The following ATRX variants were observed in gnomAD, a reference collection of about 807,000 sequenced individuals.
ATRX encodes the protein ATRX chromatin remodeler.
In ATRX, 12 loss-of-function variants were observed where a neutral mutation model predicts 172.6. The ratio of observed to expected loss-of-function variants is 0.07; its 90% CI spans 0.04 to 0.11. The LOEUF (loss-of-function observed/expected upper bound fraction) is 0.11. Ranked by LOEUF, ATRX falls within the 10% of genes least tolerant of loss-of-function variation. The pLI is 1.00. For synonymous variants in ATRX, 674 were observed against 594.7 expected (o/e 1.13, Z -1.94); for missense variants, 1,368 against 1,767.4 (o/e 0.77, Z 4.05).
chrX:77,703,537 G>A (rs1346761630), intron 2 of ATRX, among the ~76,000 whole-genome samples: 8 of 112,461 alleles, frequency 7.1e-5, no homozygotes, highest in Admixed American at 6.6e-4. Flanking sequence ...ACCAGGAACC[G>A]CAGGCAGGGC....
At chrX:77,715,619 C>G (rs2073337339) in intron 2 of ATRX, among the ~76,000 whole-genome samples, 1 of 111,450 alleles carries the variant, frequency 9.0e-6, no homozygotes, top group Admixed American at 9.5e-5. Flanking sequence ...GTATTTTTTT[C>G]CTCTGGCTAC....
chrX:77,681,955 A>T lies in ATRX; in HGVS notation c.3301T>A (p.Ser1101Thr), dbSNP rs1557137691. 8.3e-7 allele frequency: 1 copy of T among 1,210,175 alleles called. No homozygotes were observed. The highest frequency in any genetic ancestry group is 1.1e-6 in the Non-Finnish European group (1 of 894,646). Reference protein sequence around the residue: ...KKRCKLLGKSSRKRQDCSSSD... With the variant: ...KKRCKLLGKSTRKRQDCSSSD... ...GATGAACAATCTTGTCTCTTCCTTG[A>T]ACTCTTTCCAAGCAACTTGCACCTT... Residue 1101 changes from serine to threonine, a missense_variant, in exon 9 of 35, where the codon TCA becomes ACA. Transcript: ENST00000373344.
chrX:77,589,004 T>C (rs1231836212), intron 27 of ATRX, among the ~76,000 whole-genome samples: 1 of 112,439 alleles, frequency 8.9e-6, no homozygotes. Context: ...GAAACTGAAA[T>C]GCTTGTACAT....
chrX:77,509,645 G>A (rs2062799774), intron 34 of ATRX, among the ~76,000 whole-genome samples: 1 of 110,918 alleles, frequency 9.0e-6, no homozygotes, highest in Non-Finnish European at 1.9e-5. Flanking sequence ...CAGTGATTAT[G>A]GGACTCTGCA....
chrX:77,508,464 T>C lies in ATRX; in HGVS notation c.7366A>G (p.Met2456Val). Residue 2456 changes from methionine (M) to valine (V), a missense_variant, in exon 35 of 35, where the codon ATG becomes GTG. Transcript: ENST00000373344. ...MNPSNYQQIDMRGMYQPVAGG... is the reference protein window; with the variant it reads ...MNPSNYQQIDVRGMYQPVAGG... ...GCCACTGGCTGATACATTCCTCTCA[T>C]ATCAATCTGCTGGTAGTTAGAAGGA... 1 of 1,211,713 alleles carries C rather than the reference T, an allele frequency of 8.3e-7. No homozygotes were observed. Among genetic ancestry groups the C allele is most frequent in the South Asian group, 1.8e-5 (1 of 56,997 alleles).
chrX:77,700,559 T>G (rs781845032), intron 2 of ATRX, among the ~76,000 whole-genome samples: 1 of 112,720 alleles, frequency 8.9e-6, no homozygotes, highest in South Asian at 3.6e-4. Flanking sequence ...CTTTATTTTA[T>G]GTAAACATCT....
At chrX:77,573,261 C>T (rs1557068585) in intron 28 of ATRX, among the ~76,000 whole-genome samples, 1 of 111,388 alleles carries the variant, frequency 9.0e-6, no homozygotes, top group Non-Finnish European at 1.9e-5. Flanking sequence ...CTACAGTATT[C>T]AGTACAGTAA....
At position 77,683,157 on chromosome X, in the gene ATRX, T is replaced by C. The variant is rs2148606995; in HGVS notation, c.2099A>G (p.Lys700Arg). ...TATAGCACTGTCAGAAGAATTACGC[T>C]TATCCTTTTTTCTCACTGGAACTGA... Reference protein sequence around the residue: ...KLSVPVRKKDKRNSSDSAIDN... With the variant: ...KLSVPVRKKDRRNSSDSAIDN... The change falls in exon 9 of 35, where the codon AAG (lysine) becomes AGG (arginine). Residue 700 changes from lysine (K) to arginine (R), a missense_variant. Lys to Arg is a conservative substitution (Grantham distance 26, BLOSUM62 2). This residue lies in a region of ATRX where 843 missense variants were observed against 643.1 expected (regional missense o/e 1.31). Transcript: ENST00000373344. 8.3e-7 allele frequency: 1 copy of C among 1,210,264 alleles called. No homozygotes were observed. The highest frequency in any genetic ancestry group is 1.1e-6 in the Non-Finnish European group (1 of 894,380).
Position 77,684,919 on chromosome X carries a change from A to T in ATRX, c.662+20T>A. 1 of 1,167,313 alleles carries T rather than the reference A, an allele frequency of 8.6e-7. No individual in the cohort carries two copies. The highest frequency in any genetic ancestry group is 1.2e-6 in the Non-Finnish European group (1 of 854,962). On this transcript the variant is annotated intron_variant, in intron 8 of 34. Coordinates refer to ENST00000373344, the MANE Select transcript of ATRX (RefSeq NM_000489.6). ...CCAAAAGTAGGAAACACTGAATGTT[A>T]GCTCATCTATATTACCTACCTACAT...
rs2147760687 is a variant in ATRX at position 77,523,319 on chromosome X, T to C, written c.6782A>G (p.Lys2261Arg). The change falls in exon 31 of 35, where the codon AAA (lysine) becomes AGA (arginine). Residue 2261 changes from lysine (K) to arginine (R), a missense_variant. This residue lies in a region of ATRX where 18 missense variants were observed against 52.4 expected (regional missense o/e 0.34). Transcript: ENST00000373344. ...TTCTTCAGTCAACTCTTCTTCTTCTTTGTGGTCCAAAAGAGAATCATGTTC... is the reference window on the plus strand; with the variant it reads ...TTCTTCAGTCAACTCTTCTTCTTCTCTGTGGTCCAAAAGAGAATCATGTTC... ...YHEHDSLLDH[K>R]EEEELTEEER... 8.3e-7 allele frequency: 1 copy of C among 1,210,975 alleles called. No homozygotes were observed. Among genetic ancestry groups the C allele is most frequent in the Non-Finnish European group, 1.1e-6 (1 of 894,788 alleles).
chrX:77,747,101 A>T (rs1271032120), intron 1 of ATRX, among the ~76,000 whole-genome samples: 1 of 111,478 alleles, frequency 9.0e-6, no homozygotes, highest in Non-Finnish European at 1.9e-5. Context: ...GCCCGGCCTG[A>T]AAAAATCCTT....
At chrX:77,521,760 A>G (rs1210440733) in intron 32 of ATRX, 1 of 270,248 alleles carries the variant, frequency 3.7e-6, no homozygotes, top group African/African-American at 2.7e-5. Context: ...ACATTTTATA[A>G]TGTGTTTCAG....
At chrX:77,564,915 C>T (rs2065145389) in intron 28 of ATRX, among the ~76,000 whole-genome samples, 1 of 111,773 alleles carries the variant, frequency 8.9e-6, no homozygotes, top group Admixed American at 9.5e-5. Flanking sequence ...TATAACAAGG[C>T]ACTACCAGGG....
At chrX:77,600,653 A>C in intron 22 of ATRX, 89 bp from the exon 23 acceptor site, 1 of 1,031,288 alleles carries the variant, frequency 9.7e-7, no homozygotes, top group Admixed American at 2.2e-5. Flanking sequence ...CTTGTGACAT[A>C]AACACTTTTG....
chrX:77,688,192 G>T (rs2071689546), intron 7 of ATRX, among the ~76,000 whole-genome samples: 1 of 111,111 alleles, frequency 9.0e-6, no homozygotes, highest in Non-Finnish European at 1.9e-5. Flanking sequence ...ACCTGCCTCA[G>T]CATCCCAAAG....
intron 19 of ATRX, among the ~76,000 whole-genome samples, chrX:77,625,491 T>C (rs1372409620): frequency 3.6e-5 from 4 of 112,530 alleles, no homozygotes; most frequent in Non-Finnish European, 5.6e-5. Flanking sequence ...TCACTATCTA[T>C]ACATCTGACA....
At chrX:77,755,554 GCTTT>G (rs1334188168) in intron 1 of ATRX, among the ~76,000 whole-genome samples, 2 of 111,903 alleles carry the variant, frequency 1.8e-5, no homozygotes, top group African/African-American at 6.5e-5. Flanking sequence ...TGATATTATT[GCTTT>G]CTATTTGTTA....
At chrX:77,520,249 A>G (rs1557040754) in intron 34 of ATRX, among the ~76,000 whole-genome samples, 2 of 111,373 alleles carry the variant, frequency 1.8e-5, no homozygotes, top group Admixed American at 1.9e-4. Context: ...TGATACCACA[A>G]CAGGGTGACT....
At chrX:77,760,860 T>C (rs1557192444) in intron 1 of ATRX, among the ~76,000 whole-genome samples, 1 of 112,213 alleles carries the variant, frequency 8.9e-6, no homozygotes, top group Non-Finnish European at 1.9e-5. Context: ...GAAAATATGC[T>C]ACAGAAATAT....
Sources: allele counts gnomAD v4.1 joint callset (sites outside exome capture counted in the v4.1 genomes callset), GRCh38; gene constraint gnomAD v4.1.1; regional missense constraint gnomAD v4.1.1; transcripts MANE v1.5; gene names NCBI Gene and HGNC (gene_info 2026-07-23, HGNC 2026-07-21).